Variants in PRKCB observed in about 807,000 individuals in gnomAD.
The protein encoded by PRKCB is protein kinase C beta, also known as protein kinase C beta type.
In PRKCB, 13 loss-of-function variants were observed where a neutral mutation model predicts 81.5. The ratio of observed to expected loss-of-function variants is 0.16; its 90% CI spans 0.10 to 0.25. The LOEUF (loss-of-function observed/expected upper bound fraction) is 0.25, where lower values mean the gene tolerates loss of function less well. Among genes scored for constraint, PRKCB ranks in the 10% least tolerant of loss-of-function variants. The pLI, the probability that PRKCB is intolerant of heterozygous loss-of-function variation, is 1.00. For missense variants in PRKCB, 509 were observed against 875.7 expected (o/e 0.58, Z 5.29); for synonymous variants, 335 against 321.4 (o/e 1.04, Z -0.45).
At position 24,216,846 on chromosome 16, in the gene PRKCB, T is replaced by G. The variant is rs1968234992; in HGVS notation, c.*2030T>G. ...GAAAGAGGAAGGAATTTGCCCAAAGTCAGTCAGCTGGGATAAAAACCTGGG... is the reference window on the plus strand; with the variant it reads ...GAAAGAGGAAGGAATTTGCCCAAAGGCAGTCAGCTGGGATAAAAACCTGGG... On this transcript the variant is annotated 3_prime_UTR_variant, in exon 17 of 17. Coordinates refer to ENST00000643927, the MANE Select transcript of PRKCB (RefSeq NM_002738.7). The G allele has an allele frequency of 1.0e-6, 1 of 985,374 alleles. No individual in the cohort carries two copies. Among genetic ancestry groups the G allele is most frequent in the South Asian group, 4.7e-5 (1 of 21,290 alleles). The allele number at this position is 985,374 out of a possible 1,614,324, so 61.0% of individuals were successfully genotyped here. A position where few individuals can be genotyped will look rare whatever the true frequency, so the allele number is the denominator to read the frequency against.
chr16:23,841,589 G>A (rs1369835822), intron 2 of PRKCB, among the ~76,000 whole-genome samples: 1 of 149,194 alleles, frequency 6.7e-6, no homozygotes, highest in Non-Finnish European at 1.5e-5. Context: ...CTGGGCTCAA[G>A]TGATTCTCCT....
At chr16:24,168,009 ATTG>A (rs1967374056) in intron 10 of PRKCB, among the ~76,000 whole-genome samples, 1 of 152,224 alleles carries the variant, frequency 6.6e-6, no homozygotes, top group Non-Finnish European at 1.5e-5. Context: ...TAATTTCATT[ATTG>A]TTGTTGTTAT....
rs978827342 is a variant in PRKCB at position 23,882,371 on chromosome 16, A to G, written c.205+44965A>G. Among the ~76,000 whole-genome samples, 5 of 151,350 alleles carry G rather than the reference A, an allele frequency of 3.3e-5. No homozygotes were observed. The East Asian group carries it at 5.9e-4, about 18-fold the overall frequency. ...GTAGCTGGGATTACAGGTGCACACT[A>G]CCATGCCCAGTTAATTTTTTTTCTT... On this transcript the variant is annotated intron_variant, in intron 2 of 16. Transcript: ENST00000643927.
Position 24,160,368 on chromosome 16 carries a change from C to T in PRKCB, c.1239+5511C>T, listed in dbSNP as rs566526000. ...TAAAATGAGCAGGAAGGTGACACCT[C>T]TTTCTGGGGATGTCCTTGAAAATGG... On this transcript the variant is annotated intron_variant, in intron 10 of 16. Transcript: ENST00000643927. 5.8e-4 allele frequency among the ~76,000 whole-genome samples: 88 copies of T among 152,212 alleles called. No individual in the cohort carries two copies. In the Middle Eastern group the frequency reaches 0.014, roughly 24 times the overall value.
In PRKCB at chr16:23,988,572, C is replaced by T; in HGVS notation, c.270C>T (p.Asp90=). ...EFVTFSCPGA[D]KGPASDDPRS... is the part of the protein sequence containing the mutation. ...TCACATTCTCCTGCCCTGGCGCTGACAAGGGTCCAGCCTCCGATGTAAGTA... is the reference window on the plus strand; with the variant it reads ...TCACATTCTCCTGCCCTGGCGCTGATAAGGGTCCAGCCTCCGATGTAAGTA... Residue 90 remains aspartate, a synonymous_variant, in exon 3 of 17, where the codon GAC becomes GAT. Transcript: ENST00000643927. The T allele has an allele frequency of 1.2e-6, 2 of 1,614,080 alleles. No homozygotes were observed. Among genetic ancestry groups the T allele is most frequent in the Non-Finnish European group, 1.7e-6 (2 of 1,179,946 alleles).
At chr16:24,052,695 C>T (rs1457700579) in intron 5 of PRKCB, among the ~76,000 whole-genome samples, 1 of 152,192 alleles carries the variant, frequency 6.6e-6, no homozygotes, top group South Asian at 2.1e-4. Context: ...CATGCTAATG[C>T]ATTACAATTA....
chr16:23,889,359 T>C lies in PRKCB; in HGVS notation c.205+51953T>C, dbSNP rs572866007. ...GTTGAAATTAATAACAGAGCCTACC[T>C]TACGGCATTATAAAGGTTATGTGAG... On this transcript the variant is annotated intron_variant, in intron 2 of 16. Coordinates refer to ENST00000643927, the MANE Select transcript of PRKCB (RefSeq NM_002738.7). 3.3e-5 allele frequency among the ~76,000 whole-genome samples: 5 copies of C among 152,384 alleles called. No homozygotes were observed. The South Asian group carries it at 1.0e-3, about 32-fold the overall frequency.
At position 24,215,688 on chromosome 16, in the gene PRKCB, A is replaced by G. The variant is rs915681739; in HGVS notation, c.*872A>G. The G allele has an allele frequency of 2.0e-6, 2 of 985,448 alleles. No individual in the cohort carries two copies. The highest frequency in any genetic ancestry group is 2.4e-6 in the Non-Finnish European group (2 of 829,632). 61.0% of individuals were successfully genotyped at this position (985,448 alleles called of 1,614,324 possible). On this transcript the variant is annotated 3_prime_UTR_variant, in exon 17 of 17. Coordinates refer to ENST00000643927, the MANE Select transcript of PRKCB (RefSeq NM_002738.7). ...AAAAAGGTGACTCACATTGTTACAC[A>G]TGCTTTAAAATATGTATTCAAATGT...
chr16:24,182,470 G>A (rs1232212838), intron 13 of PRKCB, among the ~76,000 whole-genome samples: 4 of 152,144 alleles, frequency 2.6e-5, no homozygotes, highest in South Asian at 2.1e-4. Flanking sequence ...GCAGTAAGCA[G>A]TGATCATGCC....
At chr16:24,177,428 G>T (rs926399350) in intron 12 of PRKCB, among the ~76,000 whole-genome samples, 1 of 152,144 alleles carries the variant, frequency 6.6e-6, no homozygotes, top group Non-Finnish European at 1.5e-5. Flanking sequence ...AAGCCAGTCT[G>T]CATCTGAACC....
chr16:24,096,080 G>A (rs981427579), intron 7 of PRKCB, among the ~76,000 whole-genome samples: 17 of 152,020 alleles, frequency 1.1e-4, no homozygotes, highest in African/African-American at 1.4e-4. Context: ...GGTGGATCAC[G>A]AGATCGGGAG....
chr16:24,042,985 C>G (rs1253498303), intron 5 of PRKCB, among the ~76,000 whole-genome samples: 1 of 152,196 alleles, frequency 6.6e-6, no homozygotes, highest in Non-Finnish European at 1.5e-5. Flanking sequence ...AATCCTCCCA[C>G]TTTGGCCTCC....
chr16:24,189,671 T>TAGCTTAGA (rs1967760563), intron 15 of PRKCB, among the ~76,000 whole-genome samples: 2 of 147,896 alleles, frequency 1.4e-5, no homozygotes, highest in South Asian at 4.3e-4. Context: ...AAGAAGTAGC[T>TAGCTTAGA]AGCTTAGAAT....
intron 16 of PRKCB, among the ~76,000 whole-genome samples, chr16:24,194,811 G>A (rs1967854978): frequency 6.6e-6 from 1 of 152,188 alleles, no homozygotes; most frequent in Non-Finnish European, 1.5e-5. Context: ...TCAAAGTACA[G>A]TGATCAGGCT....
At chr16:23,980,675 C>T (rs1038312965) in intron 2 of PRKCB, among the ~76,000 whole-genome samples, 16 of 152,030 alleles carry the variant, frequency 1.1e-4, no homozygotes, top group East Asian at 5.8e-4. Flanking sequence ...CTGCAACTAG[C>T]GCTAGAATTT....
At chr16:24,036,431 T>C (rs1420982454) in intron 5 of PRKCB, among the ~76,000 whole-genome samples, 1 of 152,180 alleles carries the variant, frequency 6.6e-6, no homozygotes, top group Non-Finnish European at 1.5e-5. Context: ...GACAAACTAC[T>C]GTGGACTTTA....
intron 2 of PRKCB, among the ~76,000 whole-genome samples, chr16:23,901,184 T>G (rs1963466988): frequency 6.6e-6 from 1 of 152,184 alleles, no homozygotes; most frequent in Non-Finnish European, 1.5e-5. Flanking sequence ...TCTGAGCACG[T>G]GAGCGTTTGG....
intron 2 of PRKCB, among the ~76,000 whole-genome samples, chr16:23,982,079 C>T (rs1440540979): frequency 8.7e-6 from 1 of 115,252 alleles, no homozygotes; most frequent in East Asian, 2.8e-4. Flanking sequence ...TTTCCCTTCC[C>T]TTTCCCTTCC....
chr16:23,853,236 T>A (rs1278059899), intron 2 of PRKCB, among the ~76,000 whole-genome samples: 2 of 152,246 alleles, frequency 1.3e-5, no homozygotes, highest in Non-Finnish European at 2.9e-5. Flanking sequence ...AACCTTGAAG[T>A]CTCTGTGGCT....
Sources: allele counts gnomAD v4.1 joint callset (sites outside exome capture counted in the v4.1 genomes callset), GRCh38; gene constraint gnomAD v4.1.1; transcripts MANE v1.5; gene names NCBI Gene and HGNC (gene_info 2026-07-23, HGNC 2026-07-21).